Variants in THADA observed in about 807,000 individuals in gnomAD.
THADA encodes tRNA (32-2'-O)-methyltransferase regulator THADA.
In THADA, 213 loss-of-function variants were observed where a neutral mutation model predicts 219.8. That is an observed-to-expected ratio of 0.97 (90% CI 0.87 to 1.09). THADA has a LOEUF of 1.09. Among genes scored for constraint, THADA ranks in the 50% least tolerant of loss-of-function variants. The pLI is 0.00. For synonymous variants in THADA, 1,018 were observed against 828.9 expected, an observed-to-expected ratio of 1.23 and a Z score of -3.92; for missense variants, 2,956 against 2,311.3, an observed-to-expected ratio of 1.28 and a Z score of -5.72.
chr2:43,425,578 T>C (rs1678331686), intron 28 of THADA, among the ~76,000 whole-genome samples: 4 of 151,872 alleles, frequency 2.6e-5, no homozygotes, highest in East Asian at 1.9e-4. Context: ...GGAAGACCAT[T>C]TGGAAGTCGG....
chr2:43,527,815 C>T (rs1204324238), intron 22 of THADA, 64 bp downstream of exon 22: 3 of 1,142,524 alleles, frequency 2.6e-6, no homozygotes, highest in Non-Finnish European at 3.9e-6. Context: ...CTAAATTCTA[C>T]TCCAAGCATA....
chr2:43,495,255 AAC>A (rs896115323), intron 25 of THADA, among the ~76,000 whole-genome samples: 4 of 152,186 alleles, frequency 2.6e-5, no homozygotes, highest in African/African-American at 4.8e-5. Context: ...AATATTAAGT[AAC>A]AGTGTTGATC....
At chr2:43,303,687 A>G (rs1274172128) in intron 31 of THADA, among the ~76,000 whole-genome samples, 1 of 141,390 alleles carries the variant, frequency 7.1e-6, no homozygotes, top group Non-Finnish European at 1.5e-5. Flanking sequence ...CAGTGAAGTT[A>G]CATCATAACA....
chr2:43,261,884 G>A (rs1282237944), intron 36 of THADA, among the ~76,000 whole-genome samples: 1 of 152,088 alleles, frequency 6.6e-6, no homozygotes, highest in Non-Finnish European at 1.5e-5. Context: ...TGATCCACTC[G>A]CCTCGGCCTC....
At chr2:43,516,087 G>C (rs1408360590) in intron 22 of THADA, among the ~76,000 whole-genome samples, 1 of 152,186 alleles carries the variant, frequency 6.6e-6, no homozygotes, top group South Asian at 2.1e-4. Context: ...CTATCTTCAC[G>C]TTACATCCAG....
intron 30 of THADA, among the ~76,000 whole-genome samples, chr2:43,332,483 A>G (rs570320548): frequency 6.6e-6 from 1 of 152,206 alleles, no homozygotes; most frequent in African/African-American, 2.4e-5. Flanking sequence ...GTTCATTCAT[A>G]TATTTCCCAC....
Position 43,315,380 on chromosome 2 carries a change from C to T in THADA, c.4438+5066G>A, listed in dbSNP as rs923747640. Among the ~76,000 whole-genome samples the T allele has an allele frequency of 1.8e-4, 27 of 152,328 alleles. No homozygotes were observed. In the East Asian group the frequency reaches 4.4e-3, roughly 25 times the overall value. ...CTGTTCCTCCATTCCCCACTCCCTA[C>T]CTCCCAAACCCCTAATATTGATTAT... On this transcript the variant is annotated intron_variant, in intron 31 of 37. Transcript: ENST00000405975.
intron 37 of THADA, 68 bp from the exon 38 acceptor site, chr2:43,231,411 G>A: frequency 1.4e-6 from 2 of 1,430,360 alleles, no homozygotes; most frequent in Non-Finnish European, 9.2e-7. Context: ...TCCAGACCAA[G>A]CAGTACCCTG....
intron 28 of THADA, among the ~76,000 whole-genome samples, chr2:43,411,674 G>C (rs1007227396): frequency 6.6e-6 from 1 of 152,150 alleles, no homozygotes; most frequent in Non-Finnish European, 1.5e-5. Context: ...AATGGAGACT[G>C]CTGTGCAAAG....
rs753169061 is a variant in THADA at position 43,556,472 on chromosome 2, G to A, written c.2547C>T (p.Ser849=). The change falls in exon 17 of 38, where the codon TCC becomes TCT. Residue 849 remains serine (S), a synonymous_variant. Transcript: ENST00000405975. ...GCCAGATTAAGAAGTTCAGCAGGTA[G>A]GAAGCTGTCACACAGTCGTATGGTT... ...STKPYDCVTA[S]YLLNFLIWQD... 2 of 1,613,888 alleles carry A rather than the reference G, an allele frequency of 1.2e-6. No homozygotes were observed. Among genetic ancestry groups the A allele is most frequent in the Admixed American group, 1.7e-5 (1 of 59,992 alleles).
chr2:43,541,505 G>GTT (rs371718091), intron 20 of THADA, among the ~76,000 whole-genome samples, 189 bp from the exon 21 acceptor site: 3 of 146,632 alleles, frequency 2.0e-5, no homozygotes, highest in Non-Finnish European at 3.0e-5. Flanking sequence ...ATCATGCTAA[G>GTT]TTTTTTTTTT....
intron 26 of THADA, among the ~76,000 whole-genome samples, chr2:43,455,457 G>C (rs6752448): frequency 0.11 from 16,776 of 151,732 alleles, 1,066 homozygotes; most frequent in African/African-American, 0.16. Flanking sequence ...TAGTACTTCT[G>C]TCCGTCATAC....
intron 29 of THADA, among the ~76,000 whole-genome samples, chr2:43,347,414 T>C (rs1489906847): frequency 6.6e-6 from 1 of 152,194 alleles, no homozygotes; most frequent in Non-Finnish European, 1.5e-5. Flanking sequence ...GAAAGAGTGA[T>C]ATGCATACGT....
At chr2:43,455,693 T>C (rs1172304083) in intron 26 of THADA, among the ~76,000 whole-genome samples, 2 of 152,222 alleles carry the variant, frequency 1.3e-5, no homozygotes, top group African/African-American at 4.8e-5. Flanking sequence ...GAAAGGCATT[T>C]ATGCAAAGGA....
intron 36 of THADA, among the ~76,000 whole-genome samples, chr2:43,257,412 A>AGAG (rs1670450484): frequency 6.6e-6 from 1 of 152,162 alleles, no homozygotes; most frequent in African/African-American, 2.4e-5. Flanking sequence ...TAAAGAGGAG[A>AGAG]GAGGAGGCTT....
In THADA at chr2:43,537,829, C is replaced by T. The variant is rs1397735052; in HGVS notation, c.3264+3330G>A. 3.3e-5 allele frequency among the ~76,000 whole-genome samples: 5 copies of T among 151,112 alleles called. No homozygotes were observed. The South Asian group carries it at 8.4e-4, about 25-fold the overall frequency. On this transcript the variant is annotated intron_variant, in intron 21 of 37. Coordinates refer to ENST00000405975, the MANE Select transcript of THADA (RefSeq NM_022065.5). ...AAAATTAGCCAGGAGTGGTAGCACA[C>T]ACCTATAGTCCCAAATATTTGGGAG...
chr2:43,380,388 G>A (rs1227556953), intron 29 of THADA, among the ~76,000 whole-genome samples: 1 of 152,146 alleles, frequency 6.6e-6, no homozygotes, highest in Non-Finnish European at 1.5e-5. Flanking sequence ...CAACTATACT[G>A]GGATTGAGGA....
chr2:43,302,124 T>C (rs553690443), intron 31 of THADA, among the ~76,000 whole-genome samples: 1 of 152,178 alleles, frequency 6.6e-6, no homozygotes, highest in African/African-American at 2.4e-5. Context: ...CACATCTGCC[T>C]CCTGAGTACC....
Position 43,577,103 on chromosome 2 carries a change from T to C in THADA, c.956A>G (p.Asp319Gly). 1.2e-6 allele frequency: 2 copies of C among 1,613,342 alleles called. No homozygotes were observed. Among genetic ancestry groups the C allele is most frequent in the Non-Finnish European group, 8.5e-7 (1 of 1,179,704 alleles). Reference protein sequence around the residue: ...FLCQGTLAMLDWQNGSMGRSG... With the variant: ...FLCQGTLAMLGWQNGSMGRSG... ...CCGACCCATGCTTCCGTTCTGCCAG[T>C]CCAACATGGCAAGTGTCCCCTGACA... Residue 319 changes from aspartate to glycine, a missense_variant, in exon 10 of 38, where the codon GAC becomes GGC. Asp to Gly is a moderately conservative substitution (Grantham distance 94). Transcript: ENST00000405975.
Sources: gnomAD v4.1 joint callset for allele counts (sites outside exome capture counted in the v4.1 genomes callset) on GRCh38, gnomAD v4.1.1 for gene constraint, MANE v1.5 for transcripts, NCBI Gene and HGNC (gene_info 2026-07-23, HGNC 2026-07-21) for gene names.